Variants in RBFOX1 observed in about 807,000 individuals in gnomAD.
The protein encoded by RBFOX1 is RNA binding fox-1 homolog 1.
Under a neutral mutation model 57.7 loss-of-function variants are expected in RBFOX1, and 8 were observed. The observed-to-expected ratio is 0.14, with a 90% CI of 0.08 to 0.25. The LOEUF is 0.25. Among genes scored for constraint, RBFOX1 ranks in the 10% least tolerant of loss-of-function variants. RBFOX1 has a pLI of 1.00. For missense variants in RBFOX1, 611 were observed against 548.5 expected (o/e 1.11, Z -1.14); for synonymous variants, 326 against 222.4 (o/e 1.47, Z -4.15).
At chr16:6,989,526 C>A (rs780728425) in intron 3 of RBFOX1, among the ~76,000 whole-genome samples, 1 of 152,114 alleles carries the variant, frequency 6.6e-6, no homozygotes, top group East Asian at 1.9e-4. Flanking sequence ...TATTAGTTGC[C>A]TATCAATTTA....
chr16:7,094,777 G>GTGT (rs1567232668), intron 4 of RBFOX1, among the ~76,000 whole-genome samples: 22 of 53,598 alleles, frequency 4.1e-4, no homozygotes, highest in East Asian at 1.7e-3. Flanking sequence ...TGTGTGTGTG[G>GTGT]GTGTGTGTGT....
At chr16:7,621,748 T>C (rs1253922687) in intron 10 of RBFOX1, among the ~76,000 whole-genome samples, 1 of 152,232 alleles carries the variant, frequency 6.6e-6, no homozygotes, top group African/African-American at 2.4e-5. Context: ...AATGGTGTAC[T>C]GAGAGACAGT....
chr16:6,018,261 C>T (rs1476937031), upstream of RBFOX1, among the ~76,000 whole-genome samples: 1 of 151,580 alleles, frequency 6.6e-6, no homozygotes, highest in Admixed American at 6.6e-5. Context: ...GAGTTTCTCA[C>T]TCCAGTCCAG....
At chr16:6,970,984 G>A (rs747046320) in intron 3 of RBFOX1, among the ~76,000 whole-genome samples, 1 of 152,128 alleles carries the variant, frequency 6.6e-6, no homozygotes, top group Non-Finnish European at 1.5e-5. Flanking sequence ...GCCCTTATTT[G>A]ATCATAGAAT....
intron 4 of RBFOX1, among the ~76,000 whole-genome samples, chr16:7,198,839 C>G (rs184606800): frequency 1.3e-5 from 2 of 152,330 alleles, no homozygotes; most frequent in East Asian, 3.9e-4. Flanking sequence ...CTTTGGGGGA[C>G]ACATTGAAAC....
At chr16:7,098,723 G>C (rs539877517) in intron 4 of RBFOX1, among the ~76,000 whole-genome samples, 2 of 152,234 alleles carry the variant, frequency 1.3e-5, no homozygotes, top group East Asian at 3.9e-4. Flanking sequence ...ACTGAGGCAG[G>C]AGGATCATTT....
chr16:6,594,989 G>A (rs928734990), intron 2 of RBFOX1, among the ~76,000 whole-genome samples: 2 of 152,158 alleles, frequency 1.3e-5, no homozygotes, highest in African/African-American at 4.8e-5. Context: ...AGGTTTCACC[G>A]TGTTGGCCAG....
intron 3 of RBFOX1, among the ~76,000 whole-genome samples, chr16:6,762,567 C>G (rs933875694): frequency 5.3e-5 from 8 of 152,124 alleles, no homozygotes; most frequent in African/African-American, 1.2e-4. Context: ...AAACTCTAGA[C>G]TACTATATTT....
chr16:6,422,221 C>T (rs929097583), intron 2 of RBFOX1, among the ~76,000 whole-genome samples: 1 of 150,870 alleles, frequency 6.6e-6, no homozygotes, highest in Admixed American at 6.6e-5. Context: ...CACGCCCGAC[C>T]ACCTCTCCTT....
At chr16:6,623,306 G>A (rs1453380394) in intron 2 of RBFOX1, among the ~76,000 whole-genome samples, 2 of 152,158 alleles carry the variant, frequency 1.3e-5, no homozygotes, top group Admixed American at 6.5e-5. Flanking sequence ...AGCTGTTTCA[G>A]TGACAGTGGG....
chr16:6,253,550 A>T (rs2097639099), intron 1 of RBFOX1, among the ~76,000 whole-genome samples: 1 of 151,646 alleles, frequency 6.6e-6, no homozygotes. Context: ...ATAACCACAC[A>T]CTCTTTTGTT....
intron 4 of RBFOX1, among the ~76,000 whole-genome samples, chr16:7,180,514 G>A (rs545708902): frequency 2.6e-5 from 4 of 152,088 alleles, no homozygotes; most frequent in Non-Finnish European, 5.9e-5. Flanking sequence ...TATCTGGTAG[G>A]GTCCTTTGAT....
intron 2 of RBFOX1, among the ~76,000 whole-genome samples, chr16:6,396,687 C>G (rs1172810103): frequency 6.6e-6 from 1 of 152,032 alleles, no homozygotes; most frequent in African/African-American, 2.4e-5. Flanking sequence ...CAAAATTCAG[C>G]CTCATTAATA....
chr16:7,691,759 A>T (rs146585711), intron 14 of RBFOX1, among the ~76,000 whole-genome samples: 49 of 152,268 alleles, frequency 3.2e-4, no homozygotes, highest in African/African-American at 1.2e-3. Context: ...AGGGAACACA[A>T]GCTAGCAATC....
intron 1 of RBFOX1, among the ~76,000 whole-genome samples, chr16:6,270,748 C>G (rs1386874184): frequency 6.6e-6 from 1 of 152,160 alleles, no homozygotes; most frequent in East Asian, 1.9e-4. Flanking sequence ...TTATAGAACA[C>G]TCCCAATGAC....
chr16:7,640,318 G>T (rs1365503896), intron 11 of RBFOX1, among the ~76,000 whole-genome samples: 1 of 152,174 alleles, frequency 6.6e-6, no homozygotes, highest in African/African-American at 2.4e-5. Context: ...CCACATTTCA[G>T]GCAGCTGCCA....
Position 7,052,180 on chromosome 16 carries a change from C to T in RBFOX1, c.27+82C>T, listed in dbSNP as rs113576127. The T allele has an allele frequency of 1.9e-4, 284 of 1,531,976 alleles. No individual in the cohort carries two copies. The African/African-American group carries it at 2.7e-3, about 14-fold the overall frequency. The allele number at this position is 1,531,976 out of a possible 1,614,324, so 94.9% of individuals were successfully genotyped here. A position where few individuals can be genotyped will look rare whatever the true frequency, so the allele number is the denominator to read the frequency against. On this transcript the variant is annotated intron_variant, in intron 4 of 15. Transcript: ENST00000550418. Reference sequence around the variant, plus strand: ...AAATTTCCTTGTCTCTCCCAAGACACGGGTTCTAAATAACAGGCTTCATCT... The same window carrying T: ...AAATTTCCTTGTCTCTCCCAAGACATGGGTTCTAAATAACAGGCTTCATCT...
intron 4 of RBFOX1, among the ~76,000 whole-genome samples, chr16:7,508,188 G>C (rs756155704): frequency 2.0e-5 from 3 of 150,934 alleles, no homozygotes; most frequent in Non-Finnish European, 4.4e-5. Flanking sequence ...AGTTTTAGCA[G>C]GTTGGCCTCA....
At position 7,024,490 on chromosome 16, in the gene RBFOX1, A is replaced by C. The variant is rs1301283588; in HGVS notation, c.-15-27567A>C. On this transcript the variant is annotated intron_variant, in intron 3 of 15. Coordinates refer to ENST00000550418, the MANE Select transcript of RBFOX1 (RefSeq NM_018723.4). ...GCTTCTCTCTCATGCACTTCTTAATAATAAGCAGTAGTTATAGGCCCTTGT... is the reference window on the plus strand; with the variant it reads ...GCTTCTCTCTCATGCACTTCTTAATCATAAGCAGTAGTTATAGGCCCTTGT... Among the ~76,000 whole-genome samples the C allele has an allele frequency of 4.6e-5, 7 of 152,196 alleles. No individual in the cohort carries two copies. In the East Asian group the frequency reaches 1.4e-3, roughly 29 times the overall value.
Sources: gnomAD v4.1 joint callset for allele counts (sites outside exome capture counted in the v4.1 genomes callset) on GRCh38, gnomAD v4.1.1 for gene constraint, MANE v1.5 for transcripts, NCBI Gene and HGNC (gene_info 2026-07-23, HGNC 2026-07-21) for gene names.